The following TMTC2 variants were observed in gnomAD, a reference collection of about 807,000 sequenced individuals.
The protein encoded by TMTC2 is transmembrane O-mannosyltransferase targeting cadherins 2.
A neutral mutation model predicts 82.4 loss-of-function variants in TMTC2; 43 were observed. That is an observed-to-expected ratio of 0.52 (90% CI 0.41 to 0.67). The LOEUF (loss-of-function observed/expected upper bound fraction) is 0.67, where lower values mean the gene tolerates loss of function less well. Among genes scored for constraint, TMTC2 ranks in the 30% least tolerant of loss-of-function variants. The pLI is 0.00. For missense variants in TMTC2, 919 were observed against 1,012.4 expected, an observed-to-expected ratio of 0.91 and a Z score of 1.25; for synonymous variants, 408 against 381.9, an observed-to-expected ratio of 1.07 and a Z score of -0.80.
chr12:82,930,407 A>C, intron 3 of TMTC2, 24 bp from the exon 4 acceptor site: 1 of 1,467,624 alleles, frequency 6.8e-7, no homozygotes. Flanking sequence ...GCTCAGTCTG[A>C]AAATTTCTTT....
At chr12:82,882,859 CAG>C (rs1244971194) in intron 2 of TMTC2, among the ~76,000 whole-genome samples, 2 of 151,882 alleles carry the variant, frequency 1.3e-5, no homozygotes, top group Non-Finnish European at 2.9e-5. Context: ...AGTTCGAGAC[CAG>C]CCTGATCAAC....
chr12:83,084,416 T>A (rs1883578917), intron 11 of TMTC2, among the ~76,000 whole-genome samples: 2 of 152,148 alleles, frequency 1.3e-5, no homozygotes, highest in Non-Finnish European at 2.9e-5. Context: ...TTTCCCTCAG[T>A]TTTTATTAAA....
Position 82,857,282 on chromosome 12 carries a change from C to T in TMTC2, c.356C>T (p.Ala119Val), listed in dbSNP as rs1240269806. 7 of 1,614,072 alleles carry T rather than the reference C, an allele frequency of 4.3e-6. No homozygotes were observed. In the African/African-American group the frequency reaches 6.7e-5, roughly 15 times the overall value. ...LLGDGYWTFMAGLMFASHPIH... is the reference protein window; with the variant it reads ...LLGDGYWTFMVGLMFASHPIH... ...GGTGATGGATACTGGACATTCATGG[C>T]TGGCTTGATGTTTGCTTCTCACCCC... The change falls in exon 2 of 12, where the codon GCT (alanine) becomes GTT (valine). Residue 119 changes from alanine (A) to valine (V), a missense_variant. Transcript: ENST00000321196.
chr12:83,038,526 C>T (rs1386846687), intron 9 of TMTC2, among the ~76,000 whole-genome samples: 1 of 151,978 alleles, frequency 6.6e-6, no homozygotes, highest in Non-Finnish European at 1.5e-5. Context: ...AATGGGAAAG[C>T]ATATATCTGA....
intron 1 of TMTC2, among the ~76,000 whole-genome samples, chr12:82,784,915 T>C (rs987331299): frequency 2.0e-5 from 3 of 152,108 alleles, no homozygotes; most frequent in African/African-American, 7.2e-5. Context: ...TTTGTTTGGT[T>C]TTGGTTCCAA....
intron 1 of TMTC2, among the ~76,000 whole-genome samples, chr12:82,735,715 T>C (rs908816774): frequency 2.0e-5 from 3 of 151,312 alleles, no homozygotes; most frequent in African/African-American, 7.3e-5. Flanking sequence ...GCCTGTAGTC[T>C]CAGCACCTTG....
At chr12:83,081,869 T>C (rs1332907568) in intron 11 of TMTC2, among the ~76,000 whole-genome samples, 3 of 150,362 alleles carry the variant, frequency 2.0e-5, no homozygotes, top group Non-Finnish European at 4.4e-5. Flanking sequence ...CAAGACCCTG[T>C]TGTTACAAAA....
At chr12:83,123,326 T>G (rs998264833) in intron 11 of TMTC2, among the ~76,000 whole-genome samples, 2 of 152,214 alleles carry the variant, frequency 1.3e-5, no homozygotes. Flanking sequence ...AAAGCACAAA[T>G]ACTGTGTTGA....
At chr12:82,919,338 A>G (rs1875239588) in intron 3 of TMTC2, among the ~76,000 whole-genome samples, 1 of 152,190 alleles carries the variant, frequency 6.6e-6, no homozygotes, top group Non-Finnish European at 1.5e-5. Flanking sequence ...CTACCTCCCA[A>G]TGCAGTTACA....
intron 2 of TMTC2, among the ~76,000 whole-genome samples, chr12:82,872,720 C>T (rs1030838180): frequency 2.0e-5 from 3 of 152,032 alleles, no homozygotes; most frequent in African/African-American, 7.2e-5. Flanking sequence ...CTAAATTGTG[C>T]AGACTCTCTT....
chr12:82,892,189 G>A (rs187323639), intron 2 of TMTC2, among the ~76,000 whole-genome samples: 158 of 152,284 alleles, frequency 1.0e-3, no homozygotes, highest in African/African-American at 3.6e-3. Flanking sequence ...CTTAGTGACT[G>A]TTAGTTGTTC....
chr12:82,806,818 G>T (rs532294463), intron 1 of TMTC2, among the ~76,000 whole-genome samples: 2 of 152,218 alleles, frequency 1.3e-5, no homozygotes, highest in Non-Finnish European at 2.9e-5. Flanking sequence ...AGGGGGGTTG[G>T]TCTTGCTGTG....
At chr12:82,853,318 G>T (rs1392415311) in intron 1 of TMTC2, among the ~76,000 whole-genome samples, 2 of 152,100 alleles carry the variant, frequency 1.3e-5, no homozygotes, top group Non-Finnish European at 2.9e-5. Flanking sequence ...GGTCAGGCTG[G>T]TCTCAAACTC....
intron 1 of TMTC2, among the ~76,000 whole-genome samples, chr12:82,740,021 A>G (rs143595724): frequency 7.9e-5 from 12 of 152,218 alleles, no homozygotes; most frequent in African/African-American, 2.4e-4. Flanking sequence ...GAACATATAC[A>G]TGTAATGGAT....
At chr12:82,721,956 G>T (rs1457860428) in intron 1 of TMTC2, among the ~76,000 whole-genome samples, 1 of 152,176 alleles carries the variant, frequency 6.6e-6, no homozygotes, top group Non-Finnish European at 1.5e-5. Context: ...CTGTCCTCTA[G>T]CAAGAATTAG....
At chr12:82,802,964 T>C (rs986551817) in intron 1 of TMTC2, among the ~76,000 whole-genome samples, 1 of 152,064 alleles carries the variant, frequency 6.6e-6, no homozygotes, top group African/African-American at 2.4e-5. Context: ...TTAATGAAAG[T>C]CGGAATGTAG....
intron 9 of TMTC2, among the ~76,000 whole-genome samples, chr12:83,035,095 T>G (rs1040895510): frequency 6.6e-6 from 1 of 152,176 alleles, no homozygotes; most frequent in African/African-American, 2.4e-5. Flanking sequence ...TCCACTCTCT[T>G]GTGTGATTTT....
intron 3 of TMTC2, among the ~76,000 whole-genome samples, chr12:82,899,652 A>AATATATATATGTGGAAT (rs1873872673): frequency 4.3e-5 from 6 of 140,480 alleles, no homozygotes; most frequent in South Asian, 4.3e-4. Context: ...TATATATAAG[A>AATATATATATGTGGAAT]ATATATATAT....
chr12:82,699,207 C>T (rs944317808), intron 1 of TMTC2, among the ~76,000 whole-genome samples: 4 of 152,196 alleles, frequency 2.6e-5, no homozygotes, highest in African/African-American at 9.6e-5. Flanking sequence ...ATCCCCCATA[C>T]ACCGTTTCTG....
Sources: allele counts gnomAD v4.1 joint callset (sites outside exome capture counted in the v4.1 genomes callset), GRCh38; gene constraint gnomAD v4.1.1; transcripts MANE v1.5; gene names NCBI Gene and HGNC (gene_info 2026-07-23, HGNC 2026-07-21).